RBP2: variants seen among roughly 807,000 people sequenced by gnomAD.
RBP2 encodes the protein retinol-binding protein 2.
Under a neutral mutation model 17.0 loss-of-function variants are expected in RBP2, and 17 were observed. That is an observed-to-expected ratio of 1.00 (90% CI 0.68 to 1.50). The LOEUF is 1.50. Ranked by LOEUF, RBP2 falls within the 40% of genes most tolerant of loss-of-function variation. RBP2 has a pLI of 0.00. For synonymous variants in RBP2, 48 were observed against 57.1 expected (o/e 0.84, Z 0.72); for missense variants, 158 against 168.2 (o/e 0.94, Z 0.33).
chr3:139,474,434 C>T (rs1374612591), intron 1 of RBP2, among the ~76,000 whole-genome samples: 1 of 152,202 alleles, frequency 6.6e-6, no homozygotes, highest in Non-Finnish European at 1.5e-5. Flanking sequence ...ATAAACTAAA[C>T]AGAGCCTAGA....
chr3:139,461,877 C>T (rs1387833142), intron 2 of RBP2, among the ~76,000 whole-genome samples: 1 of 152,190 alleles, frequency 6.6e-6, no homozygotes, highest in Non-Finnish European at 1.5e-5. Flanking sequence ...CTGTATATGA[C>T]TCATAGGCCC....
intron 1 of RBP2, among the ~76,000 whole-genome samples, chr3:139,462,577 A>G (rs1933228490): frequency 6.6e-6 from 1 of 151,406 alleles, no homozygotes; most frequent in Non-Finnish European, 1.5e-5. Context: ...ACACACACAC[A>G]CACACACACA....
intron 2 of RBP2, among the ~76,000 whole-genome samples, chr3:139,457,361 C>T (rs1553721331): frequency 6.6e-6 from 1 of 152,146 alleles, no homozygotes; most frequent in Non-Finnish European, 1.5e-5. Context: ...CAGGAGAGGG[C>T]GTCTGATTCA....
rs1932994815 is a variant in RBP2, at chr3:139,456,988, AAAGGACTCATGTCTTCAATTTGGGC to A, written c.253-2183_253-2159del. On this transcript the variant is annotated intron_variant, in intron 2 of 3. Coordinates refer to ENST00000232217, the MANE Select transcript of RBP2 (RefSeq NM_004164.3). ...CTGAGTTTTCCTCTAAAGAGATGAG[AAAGGACTCATGTCTTCAATTTGGGC>A]AAGGACGGTGTCGTCTGTCCTCCTC... Among the ~76,000 whole-genome samples, 4 of 152,276 alleles carry A rather than the reference AAAGGACTCATGTCTTCAATTTGGGC, an allele frequency of 2.6e-5. No homozygotes were observed. The South Asian group carries it at 6.2e-4, about 24-fold the overall frequency.
chr3:139,462,423 A>G, intron 1 of RBP2, 133 bp from the exon 2 acceptor site: 2 of 962,946 alleles, frequency 2.1e-6, no homozygotes, highest in Non-Finnish European at 3.1e-6. Flanking sequence ...AGTGGGAAAC[A>G]AGCATCTTAC....
chr3:139,461,026 G>A (rs1933168475), intron 2 of RBP2, among the ~76,000 whole-genome samples: 1 of 152,176 alleles, frequency 6.6e-6, no homozygotes, highest in Non-Finnish European at 1.5e-5. Flanking sequence ...GGGAAGGTTT[G>A]GTGGAATCCT....
At position 139,452,884 on chromosome 3, in the gene RBP2, T is replaced by G. The variant is rs1302317222; in HGVS notation, c.*232A>C. The G allele has an allele frequency of 3.5e-6, 2 of 564,370 alleles. No individual in the cohort carries two copies. The highest frequency in any genetic ancestry group is 6.3e-6 in the Non-Finnish European group (2 of 316,590). 35.0% of individuals were successfully genotyped at this position (564,370 alleles called of 1,614,324 possible). ...CTCTAGAAATAAACGGAGATCCATA[T>G]AAAGGGTTTCAAAATATGGGAGTAA... On this transcript the variant is annotated 3_prime_UTR_variant, in exon 4 of 4. Transcript: ENST00000232217.
intron 2 of RBP2, 61 bp from the exon 3 acceptor site, chr3:139,454,891 A>C: frequency 6.7e-7 from 1 of 1,498,514 alleles, no homozygotes; most frequent in Non-Finnish European, 9.3e-7. Context: ...AACAAATCTA[A>C]ACCTGCAGCT....
intron 1 of RBP2, among the ~76,000 whole-genome samples, chr3:139,471,695 C>T (rs1433169217): frequency 6.6e-6 from 1 of 152,166 alleles, no homozygotes; most frequent in Admixed American, 6.5e-5. Context: ...GATAGTTTTT[C>T]ATGTTCTAGG....
chr3:139,473,088 G>A (rs1174897935), intron 1 of RBP2, among the ~76,000 whole-genome samples: 2 of 152,152 alleles, frequency 1.3e-5, no homozygotes, highest in African/African-American at 4.8e-5. Context: ...ACCTGAAGGA[G>A]GACTGACTTC....
At position 139,460,530 on chromosome 3, in the gene RBP2, A is replaced by G. The variant is rs138318568; in HGVS notation, c.252+1582T>C. On this transcript the variant is annotated intron_variant, in intron 2 of 3. Coordinates refer to ENST00000232217, the MANE Select transcript of RBP2 (RefSeq NM_004164.3). Reference sequence around the variant, plus strand: ...CTTGGCTTTTAATTGTCACCAAATAATAATAACAGCTTTTCCTCCCCACCC... The same window carrying G: ...CTTGGCTTTTAATTGTCACCAAATAGTAATAACAGCTTTTCCTCCCCACCC... Among the ~76,000 whole-genome samples, 259 of 152,340 alleles carry G rather than the reference A, an allele frequency of 1.7e-3. 1 individual carries two copies. Among genetic ancestry groups the G allele is most frequent in the East Asian group, 9.3e-3 (48 of 5,182 alleles).
chr3:139,466,252 C>G (rs1933360087), intron 1 of RBP2, among the ~76,000 whole-genome samples: 1 of 152,182 alleles, frequency 6.6e-6, no homozygotes, highest in Admixed American at 6.5e-5. Flanking sequence ...AATATGCAGT[C>G]TGCCAGGTGT....
intron 1 of RBP2, among the ~76,000 whole-genome samples, chr3:139,468,274 A>T (rs1427736927): frequency 6.6e-6 from 1 of 152,192 alleles, no homozygotes; most frequent in Non-Finnish European, 1.5e-5. Flanking sequence ...TTTCTTTACA[A>T]ACGCATTCTG....
At chr3:139,463,966 A>G (rs1045762485) in intron 1 of RBP2, among the ~76,000 whole-genome samples, 4 of 152,218 alleles carry the variant, frequency 2.6e-5, no homozygotes, top group Non-Finnish European at 5.9e-5. Flanking sequence ...TCTTTATGAT[A>G]TGTAAGTGAT....
intron 1 of RBP2, among the ~76,000 whole-genome samples, chr3:139,464,281 G>A (rs948979730): frequency 3.3e-5 from 5 of 152,282 alleles, no homozygotes; most frequent in Admixed American, 3.3e-4. Context: ...CCAACATGGT[G>A]AAACCCTGTC....
rs566310138 is a variant in RBP2, at chr3:139,454,663, G to T, written c.354+66C>A. On this transcript the variant is annotated intron_variant, in intron 3 of 3. Coordinates refer to ENST00000232217, the MANE Select transcript of RBP2 (RefSeq NM_004164.3). ...GGCCATTTTTCTTGTCAAAACACCTGGCTAGGTGACCACAGTAGCGTGTGT... is the reference window on the plus strand; with the variant it reads ...GGCCATTTTTCTTGTCAAAACACCTTGCTAGGTGACCACAGTAGCGTGTGT... The T allele has an allele frequency of 7.4e-6, 11 of 1,494,136 alleles. No individual in the cohort carries two copies. In the East Asian group the frequency reaches 9.1e-5, roughly 12 times the overall value. The allele number at this position is 1,494,136 out of a possible 1,614,324, so 92.6% of individuals were successfully genotyped here.
At chr3:139,466,235 G>A (rs1185182002) in intron 1 of RBP2, among the ~76,000 whole-genome samples, 1 of 152,166 alleles carries the variant, frequency 6.6e-6, no homozygotes, top group African/African-American at 2.4e-5. Flanking sequence ...GAGCCCCTCT[G>A]TGGAGGAATA....
chr3:139,463,456 G>T (rs1271482468), intron 1 of RBP2, among the ~76,000 whole-genome samples: 1 of 152,222 alleles, frequency 6.6e-6, no homozygotes, highest in Non-Finnish European at 1.5e-5. Context: ...AAAATGCTGG[G>T]ATTACAGGCA....
At position 139,473,416 on chromosome 3, in the gene RBP2, A is replaced by C. The variant is rs571747160; in HGVS notation, c.73+2971T>G. Reference sequence around the variant, plus strand: ...CAGTAGAGTTGCTCTTTCCTTACTGAACCAACAACCAGGCCCACAGAAAAA... The same window carrying C: ...CAGTAGAGTTGCTCTTTCCTTACTGCACCAACAACCAGGCCCACAGAAAAA... On this transcript the variant is annotated intron_variant, in intron 1 of 3. Coordinates refer to ENST00000232217, the MANE Select transcript of RBP2 (RefSeq NM_004164.3). Among the ~76,000 whole-genome samples, 6 of 152,280 alleles carry C rather than the reference A, an allele frequency of 3.9e-5. No homozygotes were observed. The South Asian group carries it at 1.2e-3, about 32-fold the overall frequency.
Sources: allele counts gnomAD v4.1 joint callset (sites outside exome capture counted in the v4.1 genomes callset), GRCh38; gene constraint gnomAD v4.1.1; transcripts MANE v1.5; gene names NCBI Gene and HGNC (gene_info 2026-07-23, HGNC 2026-07-21).